NRDE2: variants seen among roughly 807,000 people sequenced by gnomAD.
The protein encoded by NRDE2 is nuclear exosome regulator NRDE2.
NRDE2 carries 76 observed loss-of-function variants against 124.2 expected under a neutral mutation model. The observed-to-expected ratio is 0.61, with a 90% CI of 0.51 to 0.74. The LOEUF (loss-of-function observed/expected upper bound fraction) is 0.74. Ranked by LOEUF, NRDE2 falls within the 30% of genes least tolerant of loss-of-function variation. The pLI is 0.00. For missense variants in NRDE2, 1,314 were observed against 1,417.3 expected (o/e 0.93, Z 1.17); for synonymous variants, 489 against 528.1 (o/e 0.93, Z 1.01).
rs142331568 is a variant in NRDE2 at position 90,295,679 on chromosome 14, G to A, written c.1666+2581C>T. On this transcript the variant is annotated intron_variant, in intron 8 of 13. Coordinates refer to ENST00000354366, the MANE Select transcript of NRDE2 (RefSeq NM_017970.4). ...ATGCTATGATAAATGCTTGACTGCAGGATGAAATCAACTACCCTCTCAACG... is the reference window on the plus strand; with the variant it reads ...ATGCTATGATAAATGCTTGACTGCAAGATGAAATCAACTACCCTCTCAACG... Among the ~76,000 whole-genome samples the A allele has an allele frequency of 2.3e-3, 351 of 152,240 alleles. 2 individuals are homozygous for A. The highest frequency in any genetic ancestry group is 4.4e-3 in the Non-Finnish European group (297 of 68,002).
chr14:90,323,969 C>G (rs1168348530), intron 1 of NRDE2, among the ~76,000 whole-genome samples: 7 of 152,112 alleles, frequency 4.6e-5, no homozygotes, highest in Non-Finnish European at 8.8e-5. Context: ...CCAACACTAC[C>G]CTCATGGAGC....
At chr14:90,304,684 A>G (rs1226222424) in intron 4 of NRDE2, 2 of 290,890 alleles carry the variant, frequency 6.9e-6, no homozygotes, top group Admixed American at 9.3e-5. Context: ...AAGAACTGTC[A>G]CACACATTAT....
At chr14:90,285,299 GA>G (rs1480503553) in intron 12 of NRDE2, among the ~76,000 whole-genome samples, 5 of 124,294 alleles carry the variant, frequency 4.0e-5, no homozygotes, top group East Asian at 2.3e-4. Flanking sequence ...AGGAAATGTT[GA>G]TTTTTTTTTT....
intron 11 of NRDE2, among the ~76,000 whole-genome samples, chr14:90,286,965 C>T (rs1237024713): frequency 4.9e-5 from 6 of 122,544 alleles, no homozygotes; most frequent in Admixed American, 2.2e-4. Flanking sequence ...ACCCGGGAGG[C>T]GGAGGTTGCA....
In NRDE2 at chr14:90,290,492, G is replaced by A. The variant is rs748695543; in HGVS notation, c.1958C>T (p.Pro653Leu). The A allele has an allele frequency of 6.2e-7, 1 of 1,614,072 alleles. No homozygotes were observed. The highest frequency in any genetic ancestry group is 2.2e-5 in the East Asian group (1 of 44,890). The change falls in exon 10 of 14, where the codon CCA becomes CTA. Residue 653 changes from proline to leucine, a missense_variant. By Grantham distance (98) the Pro-to-Leu change is moderately conservative (BLOSUM62 -3). Coordinates refer to ENST00000354366, the MANE Select transcript of NRDE2 (RefSeq NM_017970.4). ...FLGVPSGFTP[P>L]ASCLYLAMDE... ...CATGGCCAGATAAAGACAGGAGGCT[G>A]GAGGAGTAAAGCCAGAAGGCACACC...
At chr14:90,317,455 C>A (rs1463093111) in intron 2 of NRDE2, among the ~76,000 whole-genome samples, 1 of 152,178 alleles carries the variant, frequency 6.6e-6, no homozygotes, top group South Asian at 2.1e-4. Flanking sequence ...CAACTCTTCT[C>A]AATTTCCAAA....
At chr14:90,309,589 A>G (rs1884753616) in intron 4 of NRDE2, among the ~76,000 whole-genome samples, 1 of 152,050 alleles carries the variant, frequency 6.6e-6, no homozygotes, top group African/African-American at 2.4e-5. Flanking sequence ...CCTATAAAAC[A>G]CACAGACTCC....
In NRDE2 at chr14:90,267,974, A is replaced by G; in HGVS notation, c.*10362T>C. The G allele has an allele frequency of 2.7e-6, 1 of 371,466 alleles. No individual in the cohort carries two copies. The highest frequency in any genetic ancestry group is 4.8e-6 in the Non-Finnish European group (1 of 208,916). The allele number at this position is 371,466 out of a possible 1,614,324, so 23.0% of individuals were successfully genotyped here. ...AAGGTTGGAAAATAACCAAGTAAAA[A>G]GTATTTTCTGACGTTATCATAAGTT... On this transcript the variant is annotated 3_prime_UTR_variant, in exon 14 of 14. Coordinates refer to ENST00000354366, the MANE Select transcript of NRDE2 (RefSeq NM_017970.4).
chr14:90,324,009 G>A (rs1885331569), intron 1 of NRDE2, among the ~76,000 whole-genome samples: 1 of 152,108 alleles, frequency 6.6e-6, no homozygotes, highest in East Asian at 1.9e-4. Context: ...TCTATGCAAC[G>A]TGACAAATGC....
chr14:90,309,808 G>T (rs1884761736), intron 4 of NRDE2, among the ~76,000 whole-genome samples: 1 of 152,198 alleles, frequency 6.6e-6, no homozygotes, highest in African/African-American at 2.4e-5. Context: ...CAGTTATATA[G>T]CTACTAATCC....
intron 1 of NRDE2, among the ~76,000 whole-genome samples, chr14:90,328,320 A>G (rs1042365235): frequency 9.6e-5 from 8 of 83,022 alleles, no homozygotes; most frequent in East Asian, 9.0e-4. Context: ...AAAAAAAAAA[A>G]AAAGAAAAAA....
chr14:90,322,797 T>A (rs1566702217), intron 1 of NRDE2, among the ~76,000 whole-genome samples: 1 of 152,222 alleles, frequency 6.6e-6, no homozygotes, highest in African/African-American at 2.4e-5. Context: ...GAGAGAGTTA[T>A]CTGAGATGAA....
chr14:90,326,629 G>A (rs911128294), intron 1 of NRDE2, among the ~76,000 whole-genome samples: 1 of 152,084 alleles, frequency 6.6e-6, no homozygotes, highest in African/African-American at 2.4e-5. Context: ...ACAGGTTGGA[G>A]AAACAGAGAT....
intron 3 of NRDE2, among the ~76,000 whole-genome samples, chr14:90,316,114 G>T (rs1465244233): frequency 6.6e-6 from 1 of 152,138 alleles, no homozygotes; most frequent in Non-Finnish European, 1.5e-5. Context: ...AAGGACAAAT[G>T]TAACAATTAT....
intron 8 of NRDE2, among the ~76,000 whole-genome samples, chr14:90,293,165 T>A (rs572564373): frequency 2.6e-5 from 4 of 152,142 alleles, no homozygotes; most frequent in African/African-American, 7.2e-5. Flanking sequence ...GCTGTGATGA[T>A]GAAAATGCCC....
At chr14:90,283,073 C>T (rs931488813) in intron 12 of NRDE2, among the ~76,000 whole-genome samples, 3 of 152,178 alleles carry the variant, frequency 2.0e-5, no homozygotes, top group Non-Finnish European at 2.9e-5. Context: ...CCTTAGCCTT[C>T]CCCCCGGCCT....
In NRDE2 at chr14:90,269,237, T is replaced by C. The variant is rs1891597896; in HGVS notation, c.*9099A>G. On this transcript the variant is annotated 3_prime_UTR_variant, in exon 14 of 14. Transcript: ENST00000354366. Reference sequence around the variant, plus strand: ...AATACATTCAGACCATGGCAAGGGGTGCTGAATTTATTTTTTCCGAGCATA... The same window carrying C: ...AATACATTCAGACCATGGCAAGGGGCGCTGAATTTATTTTTTCCGAGCATA... The C allele has an allele frequency of 1.6e-6, 1 of 628,846 alleles. No individual in the cohort carries two copies. The highest frequency in any genetic ancestry group is 3.0e-5 in the Admixed American group (1 of 33,228). The allele number at this position is 628,846 out of a possible 1,614,324, so 39.0% of individuals were successfully genotyped here. A position where few individuals can be genotyped will look rare whatever the true frequency, so the allele number is the denominator to read the frequency against.
At position 90,304,400 on chromosome 14, in the gene NRDE2, A is replaced by G. The variant is rs775563190; in HGVS notation, c.558-18T>C. ...TCTTGTATCTGATATTAGAAAAAGA[A>G]AAAAAGTTACTGAGGGAATACGTGT... On this transcript the variant is annotated intron_variant, in intron 4 of 13. Transcript: ENST00000354366. The G allele has an allele frequency of 2.2e-5, 34 of 1,559,290 alleles. No individual in the cohort carries two copies. The highest frequency in any genetic ancestry group is 2.6e-5 in the Non-Finnish European group (30 of 1,156,058).
In NRDE2 at chr14:90,270,754, T is replaced by G. The variant is rs1470118161; in HGVS notation, c.*7582A>C. 1 of 159,678 alleles carries G rather than the reference T, an allele frequency of 6.3e-6. No homozygotes were observed. The highest frequency in any genetic ancestry group is 2.4e-5 in the African/African-American group (1 of 41,796). 9.9% of individuals were successfully genotyped at this position (159,678 alleles called of 1,614,324 possible). A position where few individuals can be genotyped will look rare whatever the true frequency, so the allele number is the denominator to read the frequency against. ...TCTCCCAATCTGTGTTCTGGAAGGT[T>G]GTACCAGATTATACTTCTTGGTTTT... On this transcript the variant is annotated 3_prime_UTR_variant, in exon 14 of 14. Transcript: ENST00000354366.
Sources: allele counts gnomAD v4.1 joint callset (sites outside exome capture counted in the v4.1 genomes callset), GRCh38; gene constraint gnomAD v4.1.1; transcripts MANE v1.5; gene names NCBI Gene and HGNC (gene_info 2026-07-23, HGNC 2026-07-21).